CLASP2: variants seen among roughly 807,000 people sequenced by gnomAD.
CLASP2 encodes the protein cytoplasmic linker associated protein 2.
Under a neutral mutation model 194.4 loss-of-function variants are expected in CLASP2, and 47 were observed. The observed-to-expected ratio is 0.24, with a 90% CI of 0.19 to 0.31. CLASP2 has a LOEUF of 0.31. CLASP2 is among the 10% of genes least tolerant of loss of function. CLASP2 has a pLI of 1.00. For missense variants in CLASP2, 1,445 were observed against 1,823.6 expected (o/e 0.79, Z 3.78); for synonymous variants, 619 against 633.5 (o/e 0.98, Z 0.34).
chr3:33,662,505 C>T (rs1192399610), intron 7 of CLASP2, among the ~76,000 whole-genome samples: 5 of 152,188 alleles, frequency 3.3e-5, no homozygotes, highest in Non-Finnish European at 1.5e-5. Flanking sequence ...ATTTATGCTT[C>T]TGGAACTAAG....
chr3:33,519,308 T>A (rs2154105671), intron 34 of CLASP2, among the ~76,000 whole-genome samples: 1 of 152,298 alleles, frequency 6.6e-6, no homozygotes, highest in South Asian at 2.1e-4. Context: ...TTACAAAGGT[T>A]ATCAGTGGCT....
chr3:33,685,556 A>G lies in CLASP2; in HGVS notation c.547-1100T>C, dbSNP rs529715883. Among the ~76,000 whole-genome samples the G allele has an allele frequency of 5.5e-4, 84 of 152,214 alleles. 1 individual carries two copies. In the South Asian group the frequency reaches 0.016, roughly 29 times the overall value. ...AACAGCCAAATGTGGAAACAACCAA[A>G]ATGTCCATCCACAGATAAATGGATA... On this transcript the variant is annotated intron_variant, in intron 5 of 38. Coordinates refer to ENST00000682230, the MANE Select transcript of CLASP2 (RefSeq NM_001365631.1).
At chr3:33,592,637 A>G in intron 20 of CLASP2, 141 bp from the exon 21 acceptor site, 1 of 727,070 alleles carries the variant, frequency 1.4e-6, no homozygotes, top group Admixed American at 2.3e-5. Context: ...ATTTCTCTTA[A>G]AAATTTTATA....
chr3:33,517,575 C>T (rs2051686726), intron 34 of CLASP2, among the ~76,000 whole-genome samples: 1 of 151,984 alleles, frequency 6.6e-6, no homozygotes, highest in South Asian at 2.1e-4. Flanking sequence ...TGCCAGGAGG[C>T]TTAAATGGCT....
In CLASP2 at chr3:33,551,018, G is replaced by T. The variant is rs113418596; in HGVS notation, c.3153+234C>A. ...AATGATTTGAAATATTCCGAATGGT[G>T]ATAAAATTAGAGGGAGGATTGTGGT... On this transcript the variant is annotated intron_variant, in intron 30 of 38. Transcript: ENST00000682230. Among the ~76,000 whole-genome samples, 1,098 of 152,322 alleles carry T rather than the reference G, an allele frequency of 7.2e-3. 12 individuals carry two copies. Among genetic ancestry groups the T allele is most frequent in the African/African-American group, 0.024 (1,006 of 41,566 alleles).
chr3:33,693,291 C>T (rs1045914478), intron 2 of CLASP2, among the ~76,000 whole-genome samples: 2 of 151,958 alleles, frequency 1.3e-5, no homozygotes, highest in South Asian at 2.1e-4. Context: ...TCACTTTTAA[C>T]GTAAAAGAAT....
rs75496610 is a variant in CLASP2, at chr3:33,615,663, A to C, written c.1318-3592T>G. 4.1e-3 allele frequency among the ~76,000 whole-genome samples: 623 copies of C among 152,156 alleles called. 33 individuals carry two copies. The East Asian group carries it at 0.1, about 25-fold the overall frequency. On this transcript the variant is annotated intron_variant, in intron 12 of 38. Coordinates refer to ENST00000682230, the MANE Select transcript of CLASP2 (RefSeq NM_001365631.1). ...TCAATTCTATGCCAAAGAATTCTAC[A>C]TTTGTAAATGATAACCAACTACCTA...
chr3:33,697,496 G>C (rs986477465), intron 1 of CLASP2, among the ~76,000 whole-genome samples: 11 of 152,290 alleles, frequency 7.2e-5, no homozygotes, highest in African/African-American at 2.6e-4. Flanking sequence ...GACGTCACCA[G>C]GCAATAGGAA....
In CLASP2 at chr3:33,644,815, G is replaced by C. The variant is rs760557651; in HGVS notation, c.804C>G (p.Ser268=). Residue 268 remains serine (S), a synonymous_variant, in exon 8 of 39, where the codon TCC becomes TCG. Coordinates refer to ENST00000682230, the MANE Select transcript of CLASP2 (RefSeq NM_001365631.1). ...SAFKVPAPKT[S]GNPANSARKP... is the part of the protein sequence containing the mutation. The stretch of plus-strand genomic sequence containing the variant: ...TCCTTGCACTGTTGGCAGGATTTCC[G>C]GATGTTTTAGGTGCAGGAACCTTGA... 3 of 1,612,956 alleles carry C rather than the reference G, an allele frequency of 1.9e-6. No individual in the cohort carries two copies. Among genetic ancestry groups the C allele is most frequent in the East Asian group, 2.2e-5 (1 of 44,860 alleles).
chr3:33,661,230 C>G (rs2085255666), intron 7 of CLASP2, among the ~76,000 whole-genome samples: 1 of 152,086 alleles, frequency 6.6e-6, no homozygotes, highest in Non-Finnish European at 1.5e-5. Flanking sequence ...CATTGTATAT[C>G]CATTTATTTA....
intron 20 of CLASP2, among the ~76,000 whole-genome samples, chr3:33,594,359 T>C (rs983784579): frequency 3.3e-5 from 5 of 152,122 alleles, no homozygotes; most frequent in Admixed American, 1.3e-4. Context: ...AATATAAACA[T>C]TGAATTACTT....
At chr3:33,579,901 T>C (rs1452987452) in intron 23 of CLASP2, among the ~76,000 whole-genome samples, 1 of 152,200 alleles carries the variant, frequency 6.6e-6, no homozygotes, top group African/African-American at 2.4e-5. Context: ...GATTATTTTA[T>C]ACACATGTAG....
intron 6 of CLASP2, 124 bp from the exon 7 acceptor site, chr3:33,663,639 A>C: frequency 1.6e-6 from 1 of 636,192 alleles, no homozygotes; most frequent in Non-Finnish European, 2.7e-6. Flanking sequence ...TTTCTATACA[A>C]CTCTCTTTCA....
At chr3:33,673,235 G>A (rs2087743552) in intron 6 of CLASP2, among the ~76,000 whole-genome samples, 2 of 152,224 alleles carry the variant, frequency 1.3e-5, no homozygotes, top group East Asian at 1.9e-4. Context: ...CAGACTAACA[G>A]CAGATGTCTC....
Position 33,708,494 on chromosome 3 carries a change from A to G in CLASP2, c.195+9314T>C, listed in dbSNP as rs1464328745. The stretch of plus-strand genomic sequence containing the variant: ...TGGGTGTGTGTGTGTGTGTATGTAT[A>G]TATATATATATGTATATATATGTAT... On this transcript the variant is annotated intron_variant, in intron 1 of 38. Transcript: ENST00000682230. 7.5e-4 allele frequency among the ~76,000 whole-genome samples: 98 copies of G among 130,594 alleles called. 1 individual carries two copies. The East Asian group carries it at 0.013, about 17-fold the overall frequency. 85.7% of individuals were successfully genotyped at this position (130,594 alleles called of 152,430 possible).
intron 30 of CLASP2, among the ~76,000 whole-genome samples, chr3:33,547,457 TTATC>T (rs1465643761): frequency 6.6e-6 from 1 of 152,242 alleles, no homozygotes; most frequent in African/African-American, 2.4e-5. Flanking sequence ...AAGTATGTCT[TTATC>T]AGCAGCATGA....
At position 33,535,388 on chromosome 3, in the gene CLASP2, T is replaced by C. The variant is rs2057135500; in HGVS notation, c.3632A>G (p.Asp1211Gly). Reference sequence around the variant, plus strand: ...TGAATGGAGCAATGAAGCTTTATTATCAAGAGCTGTTTGACTTGAGTCAGT... The same window carrying C: ...TGAATGGAGCAATGAAGCTTTATTACCAAGAGCTGTTTGACTTGAGTCAGT... ...DATDSSQTAL[D>G]NKASLLHSMP... Residue 1211 changes from aspartate (D) to glycine (G), a missense_variant, in exon 34 of 39, where the codon GAT (aspartate) becomes GGT (glycine). By Grantham distance (94) the Asp-to-Gly change is moderately conservative. Transcript: ENST00000682230. The C allele has an allele frequency of 1.9e-6, 3 of 1,613,968 alleles. No homozygotes were observed. The highest frequency in any genetic ancestry group is 2.2e-5 in the South Asian group (2 of 91,082).
chr3:33,686,593 G>C (rs944590685), intron 5 of CLASP2, among the ~76,000 whole-genome samples: 3 of 152,162 alleles, frequency 2.0e-5, no homozygotes, highest in Non-Finnish European at 4.4e-5. Context: ...TGCCAAAAAG[G>C]TTGGGGGCCG....
intron 18 of CLASP2, among the ~76,000 whole-genome samples, chr3:33,601,049 C>T (rs1436371369): frequency 6.6e-6 from 1 of 150,922 alleles, no homozygotes; most frequent in Non-Finnish European, 1.5e-5. Flanking sequence ...ACCTCCGCCT[C>T]CCGGGTTCAC....
Sources: allele counts gnomAD v4.1 joint callset (sites outside exome capture counted in the v4.1 genomes callset), GRCh38; gene constraint gnomAD v4.1.1; transcripts MANE v1.5; gene names NCBI Gene and HGNC (gene_info 2026-07-23, HGNC 2026-07-21).